Variants in UBE3C observed in about 807,000 individuals in gnomAD.
UBE3C encodes the protein ubiquitin protein ligase E3C.
Under a neutral mutation model 129.4 loss-of-function variants are expected in UBE3C, and 42 were observed. The ratio of observed to expected loss-of-function variants is 0.32; its 90% CI spans 0.25 to 0.42. The LOEUF is 0.42. Among genes scored for constraint, UBE3C ranks in the 10% least tolerant of loss-of-function variants. The pLI, the probability that UBE3C is intolerant of heterozygous loss-of-function variation, is 1.00. For missense variants in UBE3C, 1,049 were observed against 1,319.1 expected (o/e 0.80, Z 3.17); for synonymous variants, 510 against 492.4 (o/e 1.04, Z -0.47).
At chr7:157,198,944 G>A (rs1809202064) in intron 10 of UBE3C, among the ~76,000 whole-genome samples, 1 of 152,184 alleles carries the variant, frequency 6.6e-6, no homozygotes, top group African/African-American at 2.4e-5. Flanking sequence ...TATTTTAAAT[G>A]TGTATTTCTG....
At chr7:157,259,053 A>G (rs900098311) in intron 22 of UBE3C, among the ~76,000 whole-genome samples, 9 of 152,260 alleles carry the variant, frequency 5.9e-5, no homozygotes, top group Non-Finnish European at 1.3e-4. Flanking sequence ...AAGTCAGGAA[A>G]TTGAACTCTG....
rs1176636 is a variant in UBE3C at position 157,237,090 on chromosome 7, A to C, written c.2481+5763A>C. ...ATTAACCATGAAATACAAGTGGTTT[A>C]GATTCTACAGTTAAAATGGGAGATG... On this transcript the variant is annotated intron_variant, in intron 18 of 22. Coordinates refer to ENST00000348165, the MANE Select transcript of UBE3C (RefSeq NM_014671.3). 7.3e-3 allele frequency among the ~76,000 whole-genome samples: 1,105 copies of C among 152,300 alleles called. 17 individuals carry two copies. Among genetic ancestry groups the C allele is most frequent in the Admixed American group, 0.027 (415 of 15,298 alleles).
chr7:157,191,676 T>C (rs925554628), intron 10 of UBE3C, among the ~76,000 whole-genome samples: 5 of 152,238 alleles, frequency 3.3e-5, no homozygotes, highest in African/African-American at 1.2e-4. Context: ...GAATGCTCTT[T>C]AGCTCTGAGA....
chr7:157,197,135 TCAAA>T (rs1403220982), intron 10 of UBE3C, among the ~76,000 whole-genome samples: 1 of 152,214 alleles, frequency 6.6e-6, no homozygotes, highest in Non-Finnish European at 1.5e-5. Flanking sequence ...TATTGTATGA[TCAAA>T]CAATTTCAAA....
chr7:157,235,388 TG>T (rs974355446), intron 18 of UBE3C, among the ~76,000 whole-genome samples: 4 of 152,220 alleles, frequency 2.6e-5, no homozygotes, highest in African/African-American at 9.6e-5. Context: ...TAATTTTACC[TG>T]CATGAATTAA....
At chr7:157,174,866 C>A in intron 4 of UBE3C, 53 bp from the exon 5 acceptor site, 1 of 1,409,176 alleles carries the variant, frequency 7.1e-7, no homozygotes. Flanking sequence ...TGTAAATTAG[C>A]AAACTATTAA....
rs192163214 is a variant in UBE3C at position 157,196,976 on chromosome 7, A to G, written c.1332-4745A>G. On this transcript the variant is annotated intron_variant, in intron 10 of 22. Transcript: ENST00000348165. Reference sequence around the variant, plus strand: ...AAGAGCAAAACTCCATCTCAAAAAAAAGAATTGCTGAACTTTATGTGTTTC... The same window carrying G: ...AAGAGCAAAACTCCATCTCAAAAAAGAGAATTGCTGAACTTTATGTGTTTC... Among the ~76,000 whole-genome samples the G allele has an allele frequency of 8.5e-4, 130 of 152,336 alleles. 2 individuals carry two copies. The highest frequency in any genetic ancestry group is 1.8e-4 in the Non-Finnish European group (12 of 68,030).
intron 12 of UBE3C, 59 bp downstream of exon 12, chr7:157,207,614 CAGTAGAAA>C: frequency 6.3e-7 from 1 of 1,589,458 alleles, no homozygotes; most frequent in Admixed American, 1.9e-5. Flanking sequence ...TTTTCATAGA[CAGTAGAAA>C]AGTTTTAAGC....
intron 22 of UBE3C, among the ~76,000 whole-genome samples, chr7:157,263,663 CAAAA>C (rs375631649): frequency 2.6e-5 from 2 of 76,266 alleles, no homozygotes; most frequent in Non-Finnish European, 2.8e-5. Flanking sequence ...GACGCCAACT[CAAAA>C]AAAAAAAAAA....
At chr7:157,178,652 A>G (rs769634655) in intron 5 of UBE3C, 38 bp from the exon 6 acceptor site, 1 of 1,586,784 alleles carries the variant, frequency 6.3e-7, no homozygotes, top group South Asian at 1.1e-5. Flanking sequence ...ACATTTTGCC[A>G]TCCTGTAAGT....
intron 17 of UBE3C, among the ~76,000 whole-genome samples, chr7:157,230,874 G>C (rs193161210): frequency 6.6e-6 from 1 of 152,082 alleles, no homozygotes; most frequent in East Asian, 1.9e-4. Context: ...GCAGTGAGCC[G>C]AGATCGTGCC....
At position 157,165,251 on chromosome 7, in the gene UBE3C, CT is replaced by C. The variant is rs1289326130; in HGVS notation, c.120+1389del. Among the ~76,000 whole-genome samples, 3 of 152,212 alleles carry C rather than the reference CT, an allele frequency of 2.0e-5. No homozygotes were observed. The East Asian group carries it at 5.8e-4, about 29-fold the overall frequency. On this transcript the variant is annotated intron_variant, in intron 2 of 22. Transcript: ENST00000348165. The stretch of plus-strand genomic sequence containing the variant: ...TCCTCCTCTCCTACTTGGACGCAAA[CT>C]GTAAATGTTTTTGACCTTTGCGTCG...
chr7:157,186,743 G>A (rs1465249142), intron 9 of UBE3C, 91 bp from the exon 10 acceptor site: 40 of 1,466,460 alleles, frequency 2.7e-5, no homozygotes, highest in Non-Finnish European at 3.2e-5. Flanking sequence ...TTCTTTGCCC[G>A]AAGAAAAATG....
chr7:157,233,220 G>A (rs75274476), intron 18 of UBE3C, among the ~76,000 whole-genome samples: 3,245 of 152,004 alleles, frequency 0.021, 107 homozygotes, highest in African/African-American at 0.074. Flanking sequence ...CATTCATGTC[G>A]TAGTATGTCA....
At chr7:157,156,696 G>T (rs1586649151) in intron 1 of UBE3C, among the ~76,000 whole-genome samples, 1 of 140,584 alleles carries the variant, frequency 7.1e-6, no homozygotes, top group Non-Finnish European at 1.5e-5. Context: ...ATATAGGTGT[G>T]TAAATTCCCT....
At chr7:157,187,686 C>T (rs1268646213) in intron 10 of UBE3C, among the ~76,000 whole-genome samples, 1 of 151,796 alleles carries the variant, frequency 6.6e-6, no homozygotes, top group Non-Finnish European at 1.5e-5. Context: ...ATGCCATTCT[C>T]CTGCCTCAGC....
At chr7:157,178,959 G>C in intron 6 of UBE3C, 112 bp downstream of exon 6, 1 of 1,354,162 alleles carries the variant, frequency 7.4e-7, no homozygotes, top group Non-Finnish European at 1.0e-6. Context: ...GAGCGGTACT[G>C]GTGTCCCAGA....
intron 1 of UBE3C, among the ~76,000 whole-genome samples, chr7:157,140,211 T>C (rs1389766170): frequency 3.3e-5 from 5 of 151,790 alleles, no homozygotes; most frequent in Non-Finnish European, 5.9e-5. Flanking sequence ...TTAAAATGCT[T>C]CACCTAGTTT....
chr7:157,152,703 A>C (rs1450041008), intron 1 of UBE3C, among the ~76,000 whole-genome samples: 1 of 152,084 alleles, frequency 6.6e-6, no homozygotes, highest in Non-Finnish European at 1.5e-5. Context: ...TGGTTTGTTT[A>C]TCCGGATGCT....
Sources: gnomAD v4.1 joint callset for allele counts (sites outside exome capture counted in the v4.1 genomes callset) on GRCh38, gnomAD v4.1.1 for gene constraint, MANE v1.5 for transcripts, NCBI Gene and HGNC (gene_info 2026-07-23, HGNC 2026-07-21) for gene names.